Variants in MARCHF1 observed in about 807,000 individuals in gnomAD.
The protein encoded by MARCHF1 is membrane associated ring-CH-type finger 1, also known as E3 ubiquitin-protein ligase MARCHF1.
A neutral mutation model predicts 54.2 loss-of-function variants in MARCHF1; 40 were observed. The observed-to-expected ratio is 0.74, with a 90% CI of 0.57 to 0.96. The LOEUF (loss-of-function observed/expected upper bound fraction) is 0.96. Ranked by LOEUF, MARCHF1 falls within the 40% of genes least tolerant of loss-of-function variation. The pLI is 0.00. For synonymous variants in MARCHF1, 236 were observed against 236.3 expected, an observed-to-expected ratio of 1.00 and a Z score of 0.01; for missense variants, 586 against 656.5, an observed-to-expected ratio of 0.89 and a Z score of 1.17.
chr4:163,581,140 G>C (rs75625426), intron 8 of MARCHF1, among the ~76,000 whole-genome samples: 6,907 of 151,928 alleles, frequency 0.045, 263 homozygotes, highest in South Asian at 0.11. Flanking sequence ...GAATGTCTCA[G>C]CTATTTGGCG....
intron 1 of MARCHF1, among the ~76,000 whole-genome samples, chr4:164,156,481 T>C (rs887210447): frequency 6.6e-6 from 1 of 152,214 alleles, no homozygotes; most frequent in African/African-American, 2.4e-5. Flanking sequence ...TGGAGTGCAG[T>C]GGCACCATCT....
rs1408280121 is a variant in MARCHF1, at chr4:163,662,540, A to G, written c.162+38273T>C. ...TTCTAGTCCCAGAATCTTCCCTTTC[A>G]GCCCTCTGCGGCTTTAGTTGTCTCT... On this transcript the variant is annotated intron_variant, in intron 5 of 9. Transcript: ENST00000514618. 2.6e-5 allele frequency among the ~76,000 whole-genome samples: 4 copies of G among 152,038 alleles called. No homozygotes were observed. In the East Asian group the frequency reaches 7.8e-4, roughly 30 times the overall value.
intron 4 of MARCHF1, among the ~76,000 whole-genome samples, chr4:163,777,148 C>A (rs758769211): frequency 6.6e-6 from 1 of 152,116 alleles, no homozygotes; most frequent in Non-Finnish European, 1.5e-5. Flanking sequence ...GTCAATGAAT[C>A]ATGTTTAAGT....
At chr4:164,268,398 T>G (rs1733663498) in intron 1 of MARCHF1, among the ~76,000 whole-genome samples, 1 of 152,110 alleles carries the variant, frequency 6.6e-6, no homozygotes, top group Admixed American at 6.6e-5. Context: ...GGTCTTTATA[T>G]AAAGCAGGCT....
At chr4:163,565,075 T>A (rs1467105261) in intron 8 of MARCHF1, among the ~76,000 whole-genome samples, 1 of 152,136 alleles carries the variant, frequency 6.6e-6, no homozygotes, top group Non-Finnish European at 1.5e-5. Context: ...CCTCAAACCA[T>A]GAGAAAGCTG....
intron 1 of MARCHF1, among the ~76,000 whole-genome samples, chr4:164,140,762 A>C (rs1380374547): frequency 6.9e-6 from 1 of 144,636 alleles, no homozygotes. Flanking sequence ...ACACACATAC[A>C]TACATACATA....
chr4:163,766,950 A>G (rs1262180325), intron 4 of MARCHF1, among the ~76,000 whole-genome samples: 1 of 152,128 alleles, frequency 6.6e-6, no homozygotes, highest in Middle Eastern at 3.2e-3. Flanking sequence ...ACTCCAGTCA[A>G]TACCTATATT....
chr4:163,863,687 T>C (rs1749990164), intron 3 of MARCHF1, among the ~76,000 whole-genome samples: 1 of 151,978 alleles, frequency 6.6e-6, no homozygotes, highest in Admixed American at 6.6e-5. Context: ...TGGCAACAAA[T>C]ATGCCGAGTG....
chr4:164,263,586 A>G (rs1733526727), intron 1 of MARCHF1, among the ~76,000 whole-genome samples: 1 of 149,654 alleles, frequency 6.7e-6, no homozygotes, highest in African/African-American at 2.4e-5. Flanking sequence ...GTGAAAAACC[A>G]TACTAAGAAT....
chr4:163,667,149 T>A (rs1389594839), intron 5 of MARCHF1, among the ~76,000 whole-genome samples: 3 of 151,812 alleles, frequency 2.0e-5, no homozygotes, highest in Admixed American at 1.3e-4. Context: ...GTTCTTTTTT[T>A]AAAAAAAAAT....
At chr4:164,205,813 A>G (rs191874411) in intron 1 of MARCHF1, among the ~76,000 whole-genome samples, 134 of 152,294 alleles carry the variant, frequency 8.8e-4, no homozygotes, top group Middle Eastern at 3.4e-3. Context: ...ATAGTGAAAA[A>G]TAATTTGTAA....
At chr4:163,978,152 C>T (rs1752685859) in intron 3 of MARCHF1, among the ~76,000 whole-genome samples, 1 of 152,116 alleles carries the variant, frequency 6.6e-6, no homozygotes, top group Admixed American at 6.6e-5. Flanking sequence ...TTATCTAAGG[C>T]AAACAAACAT....
chr4:164,344,832 C>A (rs1331223986), intron 1 of MARCHF1, among the ~76,000 whole-genome samples: 1 of 152,152 alleles, frequency 6.6e-6, no homozygotes, highest in Non-Finnish European at 1.5e-5. Flanking sequence ...ACCTACCCAG[C>A]ATTACAAATT....
At chr4:164,013,650 C>A (rs568406911) in intron 2 of MARCHF1, among the ~76,000 whole-genome samples, 2 of 152,130 alleles carry the variant, frequency 1.3e-5, no homozygotes, top group South Asian at 4.1e-4. Flanking sequence ...AGAAAAGAAG[C>A]AAATAACATA....
At chr4:163,783,557 T>C (rs1048708046) in intron 4 of MARCHF1, among the ~76,000 whole-genome samples, 1 of 152,340 alleles carries the variant, frequency 6.6e-6, no homozygotes, top group East Asian at 1.9e-4. Context: ...GTCTTCACCG[T>C]AGCTGCAAGA....
At position 163,678,643 on chromosome 4, in the gene MARCHF1, A is replaced by G. The variant is rs143257522; in HGVS notation, c.162+22170T>C. On this transcript the variant is annotated intron_variant, in intron 5 of 9. Coordinates refer to ENST00000514618, the MANE Select transcript of MARCHF1 (RefSeq NM_001394959.1). ...GCTATTTGTGTGAGTTATGTGGCAT[A>G]AAGCTGACAGTAGTGCATTGAATAC... 3.3e-5 allele frequency among the ~76,000 whole-genome samples: 5 copies of G among 152,320 alleles called. No homozygotes were observed. The East Asian group carries it at 9.6e-4, about 29-fold the overall frequency.
chr4:164,241,661 T>G (rs113470666), intron 1 of MARCHF1, among the ~76,000 whole-genome samples: 77 of 152,226 alleles, frequency 5.1e-4, no homozygotes, highest in African/African-American at 1.8e-3. Context: ...GGTCTACAGC[T>G]CCCAGCGTGA....
At chr4:163,793,775 T>C (rs7695742) in intron 4 of MARCHF1, among the ~76,000 whole-genome samples, 40,818 of 152,066 alleles carry the variant, frequency 0.27, 6,738 homozygotes, top group Non-Finnish European at 0.38. Context: ...TCTGTTCTAA[T>C]TACCGGTGCA....
intron 1 of MARCHF1, among the ~76,000 whole-genome samples, chr4:164,351,423 G>GCAGA (rs1473769380): frequency 6.6e-6 from 1 of 150,568 alleles, no homozygotes; most frequent in Non-Finnish European, 1.5e-5. Flanking sequence ...CTGAGAATGG[G>GCAGA]CAGACTGCCT....
Sources: gnomAD v4.1 joint callset for allele counts (sites outside exome capture counted in the v4.1 genomes callset) on GRCh38, gnomAD v4.1.1 for gene constraint, MANE v1.5 for transcripts, NCBI Gene and HGNC (gene_info 2026-07-23, HGNC 2026-07-21) for gene names.